Variants in NETO2 observed in about 807,000 individuals in gnomAD.
NETO2 encodes the protein neuropilin and tolloid like 2.
Under a neutral mutation model 62.5 loss-of-function variants are expected in NETO2, and 28 were observed. That is an observed-to-expected ratio of 0.45 (90% CI 0.33 to 0.61). The LOEUF (loss-of-function observed/expected upper bound fraction) is 0.61, where lower values mean the gene tolerates loss of function less well. Among genes scored for constraint, NETO2 ranks in the 20% least tolerant of loss-of-function variants. The pLI, the probability that NETO2 is intolerant of heterozygous loss-of-function variation, is 0.02. For missense variants in NETO2, 548 were observed against 643.2 expected, an observed-to-expected ratio of 0.85 and a Z score of 1.60; for synonymous variants, 214 against 219.1, an observed-to-expected ratio of 0.98 and a Z score of 0.21.
chr16:47,143,561 C>T lies in NETO2; in HGVS notation c.34+18G>A. 1 of 1,223,662 alleles carries T rather than the reference C, an allele frequency of 8.2e-7. No homozygotes were observed. The highest frequency in any genetic ancestry group is 4.1e-5 in the South Asian group (1 of 24,602). 75.8% of individuals were successfully genotyped at this position (1,223,662 alleles called of 1,614,324 possible). On this transcript the variant is annotated intron_variant, in intron 1 of 8. Transcript: ENST00000562435. ...GCCCGCAGGGGGCGCCGTCCGTGGC[C>T]CCAGCCCCGGTCCTTACCTTTGAGG...
intron 1 of NETO2, among the ~76,000 whole-genome samples, chr16:47,141,472 AC>A (rs1033071747): frequency 7.9e-5 from 12 of 151,842 alleles, no homozygotes; most frequent in Admixed American, 7.2e-4. Context: ...AAAAAAAAAA[AC>A]AAAAACAAAA....
At chr16:47,088,881 T>C (rs908121645) in intron 7 of NETO2, among the ~76,000 whole-genome samples, 1 of 152,182 alleles carries the variant, frequency 6.6e-6, no homozygotes, top group Non-Finnish European at 1.5e-5. Context: ...AAAACAGGCA[T>C]TTATTAGGTA....
rs532148311 is a variant in NETO2, at chr16:47,085,674, G to A, written c.997+552C>T. Among the ~76,000 whole-genome samples the A allele has an allele frequency of 2.5e-4, 38 of 152,068 alleles. No homozygotes were observed. In the East Asian group the frequency reaches 4.9e-3, roughly 19 times the overall value. On this transcript the variant is annotated intron_variant, in intron 8 of 8. Transcript: ENST00000562435. ...GCTGGGATTACAGGCGTAAGCCACC[G>A]CGCCTGGCCACAATACACTTTAGAA... is the stretch of plus-strand genomic sequence containing the variant.
intron 1 of NETO2, among the ~76,000 whole-genome samples, chr16:47,136,532 A>G (rs1223824144): frequency 1.3e-5 from 2 of 152,162 alleles, no homozygotes; most frequent in African/African-American, 4.8e-5. Flanking sequence ...CAGTTTCCTG[A>G]GTAGCTGGGA....
chr16:47,094,043 A>C (rs1483288646), intron 7 of NETO2, among the ~76,000 whole-genome samples: 1 of 152,196 alleles, frequency 6.6e-6, no homozygotes, highest in Non-Finnish European at 1.5e-5. Context: ...TGTGTCTTAA[A>C]ATGGTATTAT....
intron 4 of NETO2, 36 bp from the exon 5 acceptor site, chr16:47,122,948 A>G: frequency 6.3e-7 from 1 of 1,588,280 alleles, no homozygotes; most frequent in Non-Finnish European, 8.6e-7. Flanking sequence ...ATTGGTACTG[A>G]GATAGTTACT....
At chr16:47,106,537 A>G (rs932319731) in intron 7 of NETO2, among the ~76,000 whole-genome samples, 2 of 152,170 alleles carry the variant, frequency 1.3e-5, no homozygotes, top group Non-Finnish European at 2.9e-5. Context: ...GAAATTACAC[A>G]ACTTTTTAAA....
chr16:47,088,082 GA>G (rs1466737324), intron 7 of NETO2, among the ~76,000 whole-genome samples: 1 of 152,158 alleles, frequency 6.6e-6, no homozygotes, highest in Non-Finnish European at 1.5e-5. Flanking sequence ...CAGTACGACA[GA>G]AGCCCAAAAA....
At chr16:47,101,407 T>C (rs1596713167) in intron 7 of NETO2, among the ~76,000 whole-genome samples, 1 of 152,270 alleles carries the variant, frequency 6.6e-6, no homozygotes, top group East Asian at 1.9e-4. Flanking sequence ...CCACTCCTAT[T>C]CAACATAGTA....
intron 1 of NETO2, among the ~76,000 whole-genome samples, chr16:47,140,091 G>A (rs1964432758): frequency 6.6e-6 from 1 of 152,224 alleles, no homozygotes; most frequent in South Asian, 2.1e-4. Flanking sequence ...CCGTTGAAGT[G>A]TCAGTTCTTG....
Position 47,083,768 on chromosome 16 carries a change from G to C in NETO2, c.1031C>G (p.Thr344Ser). ...KKKAGVFEQITKTHGTIIGIT... is the reference protein window; with the variant it reads ...KKKAGVFEQISKTHGTIIGIT... ...GCCAATAATTGTTCCATGAGTCTTA[G>C]TGATTTGTTCAAATACTCCTGCTTT... The change falls in exon 9 of 9, where the codon ACT (threonine) becomes AGT (serine). Residue 344 changes from threonine (T) to serine (S), a missense_variant. Thr to Ser is a moderately conservative substitution (Grantham distance 58). Coordinates refer to ENST00000562435, the MANE Select transcript of NETO2 (RefSeq NM_018092.5). 1 of 1,606,898 alleles carries C rather than the reference G, an allele frequency of 6.2e-7. No homozygotes were observed. The highest frequency in any genetic ancestry group is 8.5e-7 in the Non-Finnish European group (1 of 1,174,664).
At chr16:47,095,227 G>A (rs991048068) in intron 7 of NETO2, among the ~76,000 whole-genome samples, 7 of 152,052 alleles carry the variant, frequency 4.6e-5, no homozygotes, top group African/African-American at 1.4e-4. Context: ...AAAAGGAAAT[G>A]CGAAGGGAAT....
chr16:47,089,525 T>C (rs868176016), intron 7 of NETO2, among the ~76,000 whole-genome samples: 15 of 152,212 alleles, frequency 9.9e-5, no homozygotes, highest in African/African-American at 3.6e-4. Context: ...ATGATGTATA[T>C]ATCTAATAAG....
intron 8 of NETO2, among the ~76,000 whole-genome samples, chr16:47,085,986 G>C (rs905128923): frequency 6.6e-6 from 1 of 152,014 alleles, no homozygotes; most frequent in Non-Finnish European, 1.5e-5. Context: ...GGCACCTGTA[G>C]TCCCAGCTAC....
intron 1 of NETO2, among the ~76,000 whole-genome samples, chr16:47,140,869 C>A (rs772617061): frequency 2.0e-5 from 3 of 152,210 alleles, no homozygotes; most frequent in Non-Finnish European, 2.9e-5. Context: ...CCAGTTTCTA[C>A]AGCTTGAAAT....
intron 7 of NETO2, among the ~76,000 whole-genome samples, chr16:47,095,051 C>T (rs2143834934): frequency 6.6e-6 from 1 of 152,318 alleles, no homozygotes; most frequent in African/African-American, 2.4e-5. Context: ...TTCAAAATTT[C>T]TCCACTTTTA....
chr16:47,120,227 T>A (rs951087582), intron 6 of NETO2, among the ~76,000 whole-genome samples: 17 of 152,330 alleles, frequency 1.1e-4, no homozygotes, highest in African/African-American at 3.6e-4. Flanking sequence ...TTTTGACATT[T>A]GTCTGTTATT....
chr16:47,129,334 G>C lies in NETO2; in HGVS notation c.122C>G (p.Pro41Arg). The C allele has an allele frequency of 1.2e-6, 2 of 1,613,956 alleles. No individual in the cohort carries two copies. The highest frequency in any genetic ancestry group is 1.7e-6 in the Non-Finnish European group (2 of 1,179,940). ...AACCCAAATGCCACACTGGGTTGCA[G>C]GAATATGCTTGATTCCAATATTTTG... Reference protein sequence around the residue: ...DGQNIGIKHIPATQCGIWVRT... With the variant: ...DGQNIGIKHIRATQCGIWVRT... The change falls in exon 3 of 9, where the codon CCT becomes CGT. Residue 41 changes from proline to arginine, a missense_variant. By Grantham distance (103) the Pro-to-Arg change is moderately radical. Coordinates refer to ENST00000562435, the MANE Select transcript of NETO2 (RefSeq NM_018092.5).
chr16:47,143,480 G>C, intron 1 of NETO2, 99 bp downstream of exon 1: 1 of 1,188,856 alleles, frequency 8.4e-7, no homozygotes, highest in Non-Finnish European at 1.0e-6. Context: ...GGCGCGTCGG[G>C]TCCCGGGCGC....
Sources: gnomAD v4.1 joint callset for allele counts (sites outside exome capture counted in the v4.1 genomes callset) on GRCh38, gnomAD v4.1.1 for gene constraint, MANE v1.5 for transcripts, NCBI Gene and HGNC (gene_info 2026-07-23, HGNC 2026-07-21) for gene names.